The following SLC22A25 variants were observed in gnomAD, a reference collection of about 807,000 sequenced individuals.
SLC22A25 encodes the protein solute carrier family 22 member 25.
Under a neutral mutation model 45.9 loss-of-function variants are expected in SLC22A25, and 44 were observed. The ratio of observed to expected loss-of-function variants is 0.96; its 90% CI spans 0.75 to 1.23. The LOEUF is 1.23. SLC22A25 is among the 50% of genes most tolerant of loss of function. SLC22A25 has a pLI of 0.00. For synonymous variants in SLC22A25, 283 were observed against 238.6 expected (o/e 1.19, Z -1.72); for missense variants, 800 against 666.4 (o/e 1.20, Z -2.21).
chr11:63,213,659 T>TA (rs2089636893), intron 7 of SLC22A25, among the ~76,000 whole-genome samples: 1 of 152,158 alleles, frequency 6.6e-6, no homozygotes, highest in African/African-American at 2.4e-5. Context: ...AGACTATAAA[T>TA]ACCTTGAACC....
intron 7 of SLC22A25, among the ~76,000 whole-genome samples, chr11:63,184,605 T>C (rs2088453785): frequency 6.6e-6 from 1 of 152,174 alleles, no homozygotes; most frequent in Admixed American, 6.6e-5. Flanking sequence ...CTGGAGCAAC[T>C]ATGCAGTTCT....
chr11:63,218,654 C>G (rs1372202424), intron 5 of SLC22A25, among the ~76,000 whole-genome samples: 1 of 152,088 alleles, frequency 6.6e-6, no homozygotes, highest in East Asian at 1.9e-4. Flanking sequence ...AATTCTAGGA[C>G]TGTGCAGGCC....
At chr11:63,239,386 A>G (rs546837017) in intron 1 of SLC22A25, among the ~76,000 whole-genome samples, 2 of 152,326 alleles carry the variant, frequency 1.3e-5, no homozygotes, top group East Asian at 3.9e-4. Flanking sequence ...TTAAAGTTCT[A>G]CTTTGTGAAA....
At chr11:63,176,219 A>G (rs1267309399) in intron 9 of SLC22A25, among the ~76,000 whole-genome samples, 5 of 151,992 alleles carry the variant, frequency 3.3e-5, no homozygotes, top group African/African-American at 4.8e-5. Context: ...TATGGTTCCC[A>G]TAGGATTTTA....
intron 3 of SLC22A25, among the ~76,000 whole-genome samples, chr11:63,237,126 T>G (rs2090178136): frequency 6.6e-6 from 1 of 152,126 alleles, no homozygotes; most frequent in Non-Finnish European, 1.5e-5. Context: ...TACTTGTAAG[T>G]CGGAGCTAAA....
chr11:63,166,549 T>C, intron 9 of SLC22A25: 1 of 1,084,306 alleles, frequency 9.2e-7, no homozygotes, highest in Non-Finnish European at 1.1e-6. Context: ...CTAAAACCAA[T>C]GTAGCCACAT....
At chr11:63,217,971 T>C (rs988965845) in intron 5 of SLC22A25, 7 of 633,584 alleles carry the variant, frequency 1.1e-5, no homozygotes, top group Admixed American at 2.2e-5. Flanking sequence ...CAGTAGATCA[T>C]TGATACAAAT....
In SLC22A25 at chr11:63,163,783, A is replaced by G; in HGVS notation, c.*41T>C. 1.3e-6 allele frequency: 2 copies of G among 1,564,536 alleles called. No individual in the cohort carries two copies. Among genetic ancestry groups the G allele is most frequent in the South Asian group, 1.2e-5 (1 of 82,034 alleles). On this transcript the variant is annotated 3_prime_UTR_variant, in exon 12 of 12. Coordinates refer to ENST00000306494, the MANE Select transcript of SLC22A25 (RefSeq NM_199352.6). Reference sequence around the variant, plus strand: ...GCCCAGATCTAAGCCTTTTTGGGGGATGGTAGCCCTAAATGGTGTTTTGCT... The same window carrying G: ...GCCCAGATCTAAGCCTTTTTGGGGGGTGGTAGCCCTAAATGGTGTTTTGCT...
At chr11:63,197,422 A>G (rs2089081395) in intron 7 of SLC22A25, among the ~76,000 whole-genome samples, 1 of 152,210 alleles carries the variant, frequency 6.6e-6, no homozygotes, top group Non-Finnish European at 1.5e-5. Flanking sequence ...AGACCAGTGG[A>G]ACAGAACGGA....
At chr11:63,204,146 C>G (rs2089328154) in intron 7 of SLC22A25, among the ~76,000 whole-genome samples, 3 of 152,178 alleles carry the variant, frequency 2.0e-5, no homozygotes. Context: ...CTTACAAGAG[C>G]TCCTGAAGGA....
chr11:63,228,407 T>C, intron 5 of SLC22A25, 54 bp downstream of exon 5: 1 of 1,345,518 alleles, frequency 7.4e-7, no homozygotes, highest in East Asian at 2.3e-5. Flanking sequence ...TGAAAAGTGT[T>C]TCATGAATTG....
intron 7 of SLC22A25, among the ~76,000 whole-genome samples, chr11:63,206,821 A>G (rs2089417386): frequency 6.6e-6 from 1 of 152,246 alleles, no homozygotes; most frequent in Non-Finnish European, 1.5e-5. Context: ...CTACGTAGCC[A>G]AGGCAATGTT....
chr11:63,224,214 T>A (rs934363965), intron 5 of SLC22A25, among the ~76,000 whole-genome samples: 2 of 152,148 alleles, frequency 1.3e-5, no homozygotes, highest in Admixed American at 1.3e-4. Context: ...TTACGTTTTT[T>A]TGTCTTGTAA....
chr11:63,230,724 G>A (rs1260507341), intron 3 of SLC22A25, among the ~76,000 whole-genome samples: 11 of 152,086 alleles, frequency 7.2e-5, no homozygotes, highest in African/African-American at 2.2e-4. Flanking sequence ...ATATGTATAC[G>A]TGTGCCATGT....
intron 9 of SLC22A25, among the ~76,000 whole-genome samples, chr11:63,180,417 T>C (rs534813121): frequency 6.6e-6 from 1 of 152,264 alleles, no homozygotes; most frequent in Non-Finnish European, 1.5e-5. Context: ...TAATTGAAGT[T>C]CTTAGCATAA....
intron 7 of SLC22A25, among the ~76,000 whole-genome samples, chr11:63,210,856 A>G (rs908351285): frequency 6.6e-6 from 1 of 152,214 alleles, no homozygotes; most frequent in Non-Finnish European, 1.5e-5. Flanking sequence ...AAAGTACAGC[A>G]TGAGTTTCTA....
In SLC22A25 at chr11:63,238,729, G is replaced by T; in HGVS notation, c.-589C>A. Reference sequence around the variant, plus strand: ...TGGGGCCTCTTACCCAGTCACGATGGTGGAGAGGAAGGAGCTTCTGTTGTA... The same window carrying T: ...TGGGGCCTCTTACCCAGTCACGATGTTGGAGAGGAAGGAGCTTCTGTTGTA... On this transcript the variant is annotated 5_prime_UTR_variant, in exon 2 of 12. Transcript: ENST00000306494. 1 of 204,616 alleles carries T rather than the reference G, an allele frequency of 4.9e-6. No individual in the cohort carries two copies. Among genetic ancestry groups the T allele is most frequent in the Non-Finnish European group, 1.1e-5 (1 of 90,744 alleles). 12.7% of individuals were successfully genotyped at this position (204,616 alleles called of 1,614,324 possible).
rs2090205701 is a variant in SLC22A25, at chr11:63,238,928, T to G, written c.-788A>C. The G allele has an allele frequency of 4.8e-6, 1 of 206,886 alleles. No individual in the cohort carries two copies. Among genetic ancestry groups the G allele is most frequent in the Admixed American group, 4.7e-5 (1 of 21,168 alleles). The allele number at this position is 206,886 out of a possible 1,614,324, so 12.8% of individuals were successfully genotyped here. ...AGGGCATCTTGGCTGAGGATCACAG[T>G]TTCTTCGTCCAAGACGATGACATTG... On this transcript the variant is annotated 5_prime_UTR_variant, in exon 2 of 12. Transcript: ENST00000306494.
Position 63,231,411 on chromosome 11 carries a change from G to A in SLC22A25, c.-444-1315C>T, listed in dbSNP as rs544048994. On this transcript the variant is annotated intron_variant, in intron 3 of 11. Coordinates refer to ENST00000306494, the MANE Select transcript of SLC22A25 (RefSeq NM_199352.6). Reference sequence around the variant, plus strand: ...TTTCTCTGATGGCCAGTGGTGATGAGCATTTTTTCATGTGTCTTTTGACTG... The same window carrying A: ...TTTCTCTGATGGCCAGTGGTGATGAACATTTTTTCATGTGTCTTTTGACTG... 1.8e-3 allele frequency among the ~76,000 whole-genome samples: 270 copies of A among 152,320 alleles called. 4 individuals are homozygous for A. The highest frequency in any genetic ancestry group is 5.7e-3 in the African/African-American group (235 of 41,562).
Sources: allele counts gnomAD v4.1 joint callset (sites outside exome capture counted in the v4.1 genomes callset), GRCh38; gene constraint gnomAD v4.1.1; transcripts MANE v1.5; gene names NCBI Gene and HGNC (gene_info 2026-07-23, HGNC 2026-07-21).